Variants in MON2 observed in about 807,000 individuals in gnomAD.
MON2 encodes MON2 regulator of endosome-to-Golgi trafficking, also known as protein MON2 homolog.
MON2 carries 84 observed loss-of-function variants against 208.6 expected under a neutral mutation model. That is an observed-to-expected ratio of 0.40 (90% CI 0.34 to 0.48). The LOEUF (loss-of-function observed/expected upper bound fraction) is 0.48, where lower values mean the gene tolerates loss of function less well. MON2 is among the 20% of genes least tolerant of loss of function. MON2 has a pLI of 0.59. For synonymous variants in MON2, 660 were observed against 694.0 expected (o/e 0.95, Z 0.77); for missense variants, 1,611 against 2,015.4 (o/e 0.80, Z 3.84).
In MON2 at chr12:62,532,530, G is replaced by C; in HGVS notation, c.1493G>C (p.Gly498Ala). 6.2e-7 allele frequency: 1 copy of C among 1,614,078 alleles called. No individual in the cohort carries two copies. Among genetic ancestry groups the C allele is most frequent in the Non-Finnish European group, 8.5e-7 (1 of 1,179,972 alleles). Residue 498 changes from glycine (G) to alanine (A), a missense_variant, in exon 12 of 35, where the codon GGA becomes GCA. Coordinates refer to ENST00000393630, the MANE Select transcript of MON2 (RefSeq NM_015026.3). ...AFHCLLDLVR[G>A]ITSMIEGELG... is the part of the protein sequence containing the mutation. The stretch of plus-strand genomic sequence containing the variant: ...CATTGTTTGCTAGACCTTGTTCGTG[G>C]AATCACAAGTATGATTGAAGGAGAG...
intron 2 of MON2, among the ~76,000 whole-genome samples, chr12:62,491,639 G>A (rs2070147016): frequency 6.6e-6 from 1 of 152,096 alleles, no homozygotes; most frequent in African/African-American, 2.4e-5. Flanking sequence ...AGTGAACCAG[G>A]AGTTAGAAGA....
intron 2 of MON2, among the ~76,000 whole-genome samples, chr12:62,487,209 A>G (rs950548533): frequency 6.6e-6 from 1 of 152,146 alleles, no homozygotes; most frequent in Non-Finnish European, 1.5e-5. Context: ...GAGAGATAGC[A>G]ACATAAAGTT....
chr12:62,557,567 C>T (rs898044516), intron 25 of MON2, among the ~76,000 whole-genome samples: 2 of 152,064 alleles, frequency 1.3e-5, no homozygotes, highest in African/African-American at 2.4e-5. Flanking sequence ...AACAGAGATA[C>T]TTTTGTACAT....
chr12:62,589,566 G>C (rs1287894674), intron 34 of MON2, among the ~76,000 whole-genome samples: 1 of 151,866 alleles, frequency 6.6e-6, no homozygotes, highest in East Asian at 1.9e-4. Flanking sequence ...AAAAAGCCTG[G>C]GGCAGTGTCC....
intron 24 of MON2, among the ~76,000 whole-genome samples, chr12:62,555,271 G>C (rs1261247796): frequency 6.6e-6 from 1 of 150,796 alleles, no homozygotes; most frequent in African/African-American, 2.4e-5. Context: ...AACCTCTCCT[G>C]GGGGCTCAGG....
intron 11 of MON2, among the ~76,000 whole-genome samples, chr12:62,531,403 G>A (rs1177666226): frequency 6.6e-6 from 1 of 152,158 alleles, no homozygotes; most frequent in African/African-American, 2.4e-5. Context: ...TGCATATGGT[G>A]TGAGATAGGA....
rs1171349159 is a variant in MON2, at chr12:62,597,628, A to T, written c.*4879A>T. The T allele has an allele frequency of 6.6e-6, 1 of 152,228 alleles. No individual in the cohort carries two copies. The highest frequency in any genetic ancestry group is 1.5e-5 in the Non-Finnish European group (1 of 68,032). 9.4% of individuals were successfully genotyped at this position (152,228 alleles called of 1,614,324 possible). On this transcript the variant is annotated 3_prime_UTR_variant, in exon 35 of 35. Coordinates refer to ENST00000393630, the MANE Select transcript of MON2 (RefSeq NM_015026.3). ...GAATACACGGGATTCAGCAGCCAAG[A>T]TGCTCACAAAATGGGATTGCTATAA...
intron 31 of MON2, among the ~76,000 whole-genome samples, chr12:62,579,799 C>T (rs916263020): frequency 5.3e-5 from 8 of 152,116 alleles, no homozygotes; most frequent in Non-Finnish European, 8.8e-5. Flanking sequence ...TATTGCCTTT[C>T]GTGCCATTAC....
intron 4 of MON2, among the ~76,000 whole-genome samples, chr12:62,497,600 AC>A (rs1294554242): frequency 2.0e-5 from 3 of 152,076 alleles, no homozygotes; most frequent in Non-Finnish European, 4.4e-5. Context: ...CACTGGGGAA[AC>A]TGGCGGTTTC....
At chr12:62,491,730 G>T (rs1219864159) in intron 2 of MON2, among the ~76,000 whole-genome samples, 2 of 152,118 alleles carry the variant, frequency 1.3e-5, no homozygotes, top group Non-Finnish European at 2.9e-5. Context: ...AACTCTCTAA[G>T]ATTATTGAGA....
chr12:62,489,644 G>T (rs1218357674), intron 2 of MON2, among the ~76,000 whole-genome samples: 5 of 151,838 alleles, frequency 3.3e-5, no homozygotes, highest in Admixed American at 3.3e-4. Context: ...TAATATGTAG[G>T]GTAATGTGAG....
chr12:62,583,746 C>T (rs1429113888), intron 32 of MON2, among the ~76,000 whole-genome samples: 2 of 149,058 alleles, frequency 1.3e-5, no homozygotes, highest in East Asian at 4.0e-4. Context: ...GTCAAGAGTT[C>T]GAGACTGTCC....
chr12:62,566,998 A>G (rs577157358), intron 29 of MON2, among the ~76,000 whole-genome samples: 36 of 152,350 alleles, frequency 2.4e-4, no homozygotes, highest in Non-Finnish European at 4.3e-4. Context: ...AGAAATTCAC[A>G]ATGCAGCCCA....
intron 29 of MON2, among the ~76,000 whole-genome samples, chr12:62,569,128 T>A (rs2074494830): frequency 6.6e-6 from 1 of 152,250 alleles, no homozygotes; most frequent in Non-Finnish European, 1.5e-5. Context: ...CCTGTTTAGA[T>A]GTGTAAACAT....
intron 23 of MON2, among the ~76,000 whole-genome samples, chr12:62,552,395 C>G (rs571103932): frequency 6.6e-6 from 1 of 152,044 alleles, no homozygotes; most frequent in Non-Finnish European, 1.5e-5. Context: ...GTACTGGATT[C>G]TCTACATTTT....
chr12:62,536,515 C>G (rs1015429606), intron 14 of MON2, among the ~76,000 whole-genome samples: 4 of 151,658 alleles, frequency 2.6e-5, no homozygotes, highest in African/African-American at 9.7e-5. Context: ...ATGTATTGCT[C>G]TCTAAATTAA....
Position 62,537,724 on chromosome 12 carries a change from G to C in MON2, c.2118+18G>C. The C allele has an allele frequency of 6.4e-7, 1 of 1,552,798 alleles. No homozygotes were observed. Among genetic ancestry groups the C allele is most frequent in the Non-Finnish European group, 8.8e-7 (1 of 1,132,148 alleles). On this transcript the variant is annotated intron_variant, in intron 16 of 34. Coordinates refer to ENST00000393630, the MANE Select transcript of MON2 (RefSeq NM_015026.3). The stretch of plus-strand genomic sequence containing the variant: ...CTCTTCAGGTATGTAAAAGTGTCTA[G>C]GTCAGAGATTAGTGTTGTTTTTATA...
intron 8 of MON2, among the ~76,000 whole-genome samples, chr12:62,516,431 G>A (rs1346683368): frequency 2.6e-5 from 4 of 152,142 alleles, no homozygotes; most frequent in African/African-American, 4.8e-5. Context: ...GAGGCCAGGC[G>A]CCATGGCTCA....
chr12:62,490,003 G>A (rs1433883135), intron 2 of MON2: 1 of 1,190,618 alleles, frequency 8.4e-7, no homozygotes. Flanking sequence ...ATGATTCATA[G>A]TGGGGTATCC....
Sources: allele counts gnomAD v4.1 joint callset (sites outside exome capture counted in the v4.1 genomes callset), GRCh38; gene constraint gnomAD v4.1.1; transcripts MANE v1.5; gene names NCBI Gene and HGNC (gene_info 2026-07-23, HGNC 2026-07-21).